SYNE2: variants seen among roughly 807,000 people sequenced by gnomAD.
The protein encoded by SYNE2 is spectrin repeat containing nuclear envelope protein 2, also known as nesprin-2.
In SYNE2, 431 loss-of-function variants were observed where a neutral mutation model predicts 856.3. The ratio of observed to expected loss-of-function variants is 0.50; its 90% CI spans 0.47 to 0.55. SYNE2 has a LOEUF of 0.55. SYNE2 is among the 20% of genes least tolerant of loss of function. The probability of loss-of-function intolerance (pLI) is 0.00; values close to 1 mark genes in which losing one functional copy is unlikely to be tolerated. For missense variants in SYNE2, 8,129 were observed against 8,023.2 expected, an observed-to-expected ratio of 1.01 and a Z score of -0.50; for synonymous variants, 2,923 against 2,872.3, an observed-to-expected ratio of 1.02 and a Z score of -0.56.
intron 1 of SYNE2, among the ~76,000 whole-genome samples, chr14:63,782,866 G>T (rs539993961): frequency 6.6e-6 from 1 of 151,898 alleles, no homozygotes; most frequent in South Asian, 2.1e-4. Context: ...AAATTAAATT[G>T]AAATAATTAA....
At chr14:63,942,355 G>T (rs1188873672) in intron 6 of SYNE2, among the ~76,000 whole-genome samples, 1 of 152,166 alleles carries the variant, frequency 6.6e-6, no homozygotes, top group East Asian at 1.9e-4. Flanking sequence ...GTCTCGCTCT[G>T]TCGGCCAGGC....
At chr14:63,773,511 A>AT (rs1886997778) in intron 1 of SYNE2, among the ~76,000 whole-genome samples, 1 of 152,118 alleles carries the variant, frequency 6.6e-6, no homozygotes, top group Admixed American at 6.6e-5. Flanking sequence ...AATACGCTAC[A>AT]TTTTTTAAAG....
chr14:64,158,693 T>C lies in SYNE2; in HGVS notation c.15861T>C (p.Asp5287=). 1.2e-6 allele frequency: 2 copies of C among 1,613,976 alleles called. No individual in the cohort carries two copies. Among genetic ancestry groups the C allele is most frequent in the South Asian group, 1.1e-5 (1 of 91,074 alleles). The change falls in exon 86 of 116, where the codon GAT becomes GAC. Residue 5287 remains aspartate (D), a synonymous_variant. Transcript: ENST00000555002. The part of the protein sequence containing the change: ...QEWKIYDQLY[D]EVNMMTIRFW... ...GGAAGATTTATGATCAACTCTATGA[T>C]GAAGTGAATATGATGACAATCCGAT...
intron 10 of SYNE2, among the ~76,000 whole-genome samples, chr14:63,966,322 C>T (rs1019849522): frequency 5.3e-5 from 8 of 151,356 alleles, no homozygotes; most frequent in African/African-American, 1.9e-4. Flanking sequence ...CAAAACCAGC[C>T]TGGACAACAT....
At chr14:63,963,381 T>C (rs186187393) in intron 9 of SYNE2, among the ~76,000 whole-genome samples, 10 of 152,364 alleles carry the variant, frequency 6.6e-5, no homozygotes, top group African/African-American at 2.4e-4. Flanking sequence ...TGTCCTATAG[T>C]AGTAAAATTG....
rs1381968356 is a variant in SYNE2, at chr14:64,052,935, A to G, written c.9022A>G (p.Ile3008Val). Residue 3008 changes from isoleucine to valine, a missense_variant, in exon 48 of 116, where the codon ATT becomes GTT. Ile to Val is a conservative substitution (Grantham distance 29). Around this residue, in one of 3 missense-constraint regions of SYNE2, gnomAD observed 5,410 missense variants for 5,284.8 expected, o/e 1.02. Coordinates refer to ENST00000555002, the MANE Select transcript of SYNE2 (RefSeq NM_182914.3). ...GAAACTTAAAAAAGTGTTTGACTAT[A>G]TTGGACTAAACTGGGATTTTTCACA... Reference protein sequence around the residue: ...VLKLKKVFDYIGLNWDFSQLD... With the variant: ...VLKLKKVFDYVGLNWDFSQLD... The G allele has an allele frequency of 1.9e-6, 3 of 1,612,352 alleles. No individual in the cohort carries two copies. The East Asian group carries it at 6.7e-5, about 36-fold the overall frequency.
At chr14:64,184,362 G>GTGTGTGTGTGTA (rs1460013170) in intron 96 of SYNE2, among the ~76,000 whole-genome samples, 2 of 149,826 alleles carry the variant, frequency 1.3e-5, no homozygotes, top group Non-Finnish European at 3.0e-5. Context: ...GTGTGTGTGT[G>GTGTGTGTGTGTA]TATGTGTATG....
intron 64 of SYNE2, among the ~76,000 whole-genome samples, chr14:64,106,644 G>A (rs191576087): frequency 1.3e-3 from 191 of 152,070 alleles, no homozygotes; most frequent in Non-Finnish European, 1.3e-3. Context: ...GCGAGACTCC[G>A]TCTCAAAAAA....
intron 57 of SYNE2, among the ~76,000 whole-genome samples, chr14:64,085,777 T>G (rs1281351615): frequency 6.6e-6 from 1 of 152,208 alleles, no homozygotes; most frequent in Non-Finnish European, 1.5e-5. Flanking sequence ...TTTTGAGCAT[T>G]TATTTATGTC....
chr14:64,190,290 G>T (rs2098512133), intron 99 of SYNE2, 53 bp downstream of exon 99: 1 of 1,607,744 alleles, frequency 6.2e-7, no homozygotes, highest in South Asian at 1.1e-5. Flanking sequence ...TTACTTTACA[G>T]ATCTAGTAAA....
rs2098344475 is a variant in SYNE2, at chr14:64,163,468, C to T, written c.16366C>T (p.Leu5456Phe). ...FLQNSSVLDR[L>F]PQPAESSTHM... ...CCAAAATTCCAGTGTCCTGGATCGA[C>T]TCCCACAACCCGCAGAGTCCAGCAC... Residue 5456 changes from leucine (L) to phenylalanine (F), a missense_variant, in exon 89 of 116, where the codon CTC (leucine) becomes TTC (phenylalanine). Physicochemically the swap from Leu to Phe is conservative, Grantham distance 22 (BLOSUM62 0). Around this residue, in one of 3 missense-constraint regions of SYNE2, gnomAD observed 5,410 missense variants for 5,284.8 expected, o/e 1.02. Coordinates refer to ENST00000555002, the MANE Select transcript of SYNE2 (RefSeq NM_182914.3). 3.1e-6 allele frequency: 5 copies of T among 1,614,072 alleles called. No individual in the cohort carries two copies. Among genetic ancestry groups the T allele is most frequent in the South Asian group, 1.1e-5 (1 of 91,090 alleles).
intron 1 of SYNE2, among the ~76,000 whole-genome samples, chr14:63,804,622 T>G (rs1188808480): frequency 6.6e-6 from 1 of 152,136 alleles, no homozygotes; most frequent in Non-Finnish European, 1.5e-5. Flanking sequence ...GCCTCTTGAA[T>G]AGCTGTGATT....
At position 63,815,183 on chromosome 14, in the gene SYNE2, T is replaced by C. The variant is rs1485050481; in HGVS notation, c.-304-37318T>C. 4.0e-3 allele frequency among the ~76,000 whole-genome samples: 224 copies of C among 56,548 alleles called. 10 individuals carry two copies. The highest frequency in any genetic ancestry group is 0.011 in the African/African-American group (110 of 10,184). 37.1% of individuals were successfully genotyped at this position (56,548 alleles called of 152,430 possible). A position where few individuals can be genotyped will look rare whatever the true frequency, so the allele number is the denominator to read the frequency against. Reference sequence around the variant, plus strand: ...CCATATATATCCACATATATATCCATATATATATCCATATATATATCCATA... The same window carrying C: ...CCATATATATCCACATATATATCCACATATATATCCATATATATATCCATA... On this transcript the variant is annotated intron_variant, in intron 1 of 23. Transcript: ENST00000674003.
At chr14:64,034,498 T>G (rs1246493248) in intron 45 of SYNE2, 9 of 506,492 alleles carry the variant, frequency 1.8e-5, no homozygotes, top group Non-Finnish European at 3.2e-5. Context: ...TCTTAGAATT[T>G]TGTTGAAAAT....
At chr14:64,169,028 C>A in intron 93 of SYNE2, 57 bp downstream of exon 93, 1 of 1,360,838 alleles carries the variant, frequency 7.3e-7, no homozygotes, top group South Asian at 1.2e-5. Flanking sequence ...TGCATTCAGT[C>A]AGGGCAGGCT....
At chr14:64,082,085 CAA>C (rs796494220) in intron 57 of SYNE2, among the ~76,000 whole-genome samples, 1 of 137,890 alleles carries the variant, frequency 7.3e-6, no homozygotes. Context: ...GACTCCGTCT[CAA>C]AAAAAAAAAA....
chr14:63,945,273 T>C (rs2096008542), intron 6 of SYNE2, among the ~76,000 whole-genome samples: 1 of 152,262 alleles, frequency 6.6e-6, no homozygotes, highest in African/African-American at 2.4e-5. Flanking sequence ...TATAGAACTT[T>C]GCCAGCATCC....
intron 109 of SYNE2, among the ~76,000 whole-genome samples, 196 bp from the exon 110 acceptor site, chr14:64,219,012 C>T (rs537188761): frequency 6.6e-6 from 1 of 151,850 alleles, no homozygotes; most frequent in African/African-American, 2.4e-5. Flanking sequence ...TGGGAGTGTA[C>T]GCCTCAGATC....
At position 63,941,867 on chromosome 14, in the gene SYNE2, T is replaced by C; in HGVS notation, c.238-18T>C. 6.2e-7 allele frequency: 1 copy of C among 1,612,952 alleles called. No individual in the cohort carries two copies. The highest frequency in any genetic ancestry group is 1.7e-5 in the Admixed American group (1 of 60,020). On this transcript the variant is annotated intron_variant, in intron 4 of 115. Coordinates refer to ENST00000555002, the MANE Select transcript of SYNE2 (RefSeq NM_182914.3). ...TATTTCATTTTTTCTGAGTAATATATTTGCTTGAATTTCACAGCCTCGGGA... is the reference window on the plus strand; with the variant it reads ...TATTTCATTTTTTCTGAGTAATATACTTGCTTGAATTTCACAGCCTCGGGA...
Sources: gnomAD v4.1 joint callset for allele counts (sites outside exome capture counted in the v4.1 genomes callset) on GRCh38, gnomAD v4.1.1 for gene constraint, gnomAD v4.1.1 regional missense constraint, MANE v1.5 for transcripts, NCBI Gene and HGNC (gene_info 2026-07-23, HGNC 2026-07-21) for gene names.